The following ERC1 variants were observed in gnomAD, a reference collection of about 807,000 sequenced individuals.
ERC1 encodes ELKS/RAB6-interacting/CAST family member 1.
In ERC1, 56 loss-of-function variants were observed where a neutral mutation model predicts 132.0. That is an observed-to-expected ratio of 0.42 (90% CI 0.34 to 0.53). ERC1 has a LOEUF of 0.53. ERC1 is among the 20% of genes least tolerant of loss of function. The pLI is 0.03. For synonymous variants in ERC1, 478 were observed against 476.1 expected (o/e 1.00, Z -0.05); for missense variants, 1,202 against 1,349.9 (o/e 0.89, Z 1.72).
intron 15 of ERC1, among the ~76,000 whole-genome samples, chr12:1,328,985 T>TA (rs113967541): frequency 0.062 from 5,358 of 86,700 alleles, 418 homozygotes; most frequent in East Asian, 0.26. Flanking sequence ...TAAAAGTTAC[T>TA]AAAAAAAAAA....
At chr12:1,179,547 GCCCAGGCTGGAGTGCAGTGGCGGGA>G (rs1566160072) in intron 8 of ERC1, among the ~76,000 whole-genome samples, 1 of 126,008 alleles carries the variant, frequency 7.9e-6, no homozygotes, top group Admixed American at 1.0e-4. Flanking sequence ...TCGCTCTGTC[GCCCAGGCTGGAGTGCAGTGGCGGGA>G]TCTCGGCTCA....
chr12:1,290,631 C>A (rs565014466), intron 15 of ERC1, among the ~76,000 whole-genome samples: 2 of 152,300 alleles, frequency 1.3e-5, no homozygotes, highest in East Asian at 3.9e-4. Context: ...CAGTGACCTT[C>A]TGTTTAAAAC....
intron 15 of ERC1, among the ~76,000 whole-genome samples, chr12:1,364,144 A>G (rs2086433770): frequency 6.6e-6 from 1 of 152,228 alleles, no homozygotes; most frequent in African/African-American, 2.4e-5. Context: ...TCTTTCATTT[A>G]GAGTCCTACC....
At chr12:1,361,349 G>C (rs927831943) in intron 15 of ERC1, among the ~76,000 whole-genome samples, 2 of 151,874 alleles carry the variant, frequency 1.3e-5, no homozygotes, top group Non-Finnish European at 2.9e-5. Context: ...CAGGGCACAT[G>C]TATACATATG....
At chr12:1,168,529 G>A (rs1045720542) in intron 8 of ERC1, among the ~76,000 whole-genome samples, 15 of 137,724 alleles carry the variant, frequency 1.1e-4, no homozygotes, top group Non-Finnish European at 3.0e-5. Context: ...TTGTCGCCTA[G>A]GCTGGAGTGC....
intron 8 of ERC1, among the ~76,000 whole-genome samples, chr12:1,179,689 A>G (rs1954177218): frequency 6.6e-6 from 1 of 151,462 alleles, no homozygotes; most frequent in Admixed American, 6.6e-5. Context: ...TTGTATTTTT[A>G]GTAGAGACGG....
At chr12:1,264,791 A>G (rs955100696) in intron 14 of ERC1, among the ~76,000 whole-genome samples, 11 of 152,186 alleles carry the variant, frequency 7.2e-5, no homozygotes, top group African/African-American at 4.8e-5. Context: ...AAAATACTCA[A>G]TGAGAGGGTG....
At chr12:1,026,457 C>A (rs1966902968) in intron 1 of ERC1, among the ~76,000 whole-genome samples, 1 of 152,182 alleles carries the variant, frequency 6.6e-6, no homozygotes, top group South Asian at 2.1e-4. Context: ...AGACCCTGTT[C>A]TTGGGCTAGT....
chr12:1,051,723 A>T lies in ERC1; in HGVS notation c.669+23151A>T, dbSNP rs1417461603. 2.0e-5 allele frequency among the ~76,000 whole-genome samples: 3 copies of T among 152,124 alleles called. No homozygotes were observed. In the East Asian group the frequency reaches 5.8e-4, roughly 29 times the overall value. On this transcript the variant is annotated intron_variant, in intron 2 of 18. Coordinates refer to ENST00000360905, the MANE Select transcript of ERC1 (RefSeq NM_178040.4). ...GACAGAGCGAGACCCTGTCTCTTAT[A>T]ACAAGAATGAAAAACACCACAGTGA...
intron 18 of ERC1, among the ~76,000 whole-genome samples, chr12:1,461,671 A>AAAT (rs953155266): frequency 2.0e-5 from 3 of 152,120 alleles, no homozygotes; most frequent in Non-Finnish European, 2.9e-5. Flanking sequence ...CTGTCTCAAA[A>AAAT]AATAATAATA....
At chr12:1,006,969 TA>T (rs1254649210) in intron 1 of ERC1, among the ~76,000 whole-genome samples, 3 of 150,160 alleles carry the variant, frequency 2.0e-5, no homozygotes, top group Non-Finnish European at 4.4e-5. Flanking sequence ...ATATAGTATA[TA>T]TATGGTGTAT....
chr12:1,054,118 GA>G (rs1315192036), intron 2 of ERC1, among the ~76,000 whole-genome samples: 20 of 152,156 alleles, frequency 1.3e-4, no homozygotes, highest in African/African-American at 4.8e-4. Flanking sequence ...TATATTTGTG[GA>G]TAAGAATTCC....
chr12:990,365 A>C (rs562495613), upstream of ERC1: 24 of 151,944 alleles, frequency 1.6e-4, no homozygotes, highest in Non-Finnish European at 3.1e-4. Context: ...CAAAAAAAAA[A>C]CAAAAAACAA....
chr12:1,343,758 C>G (rs764478655), intron 15 of ERC1, among the ~76,000 whole-genome samples: 4 of 152,092 alleles, frequency 2.6e-5, no homozygotes, highest in Non-Finnish European at 5.9e-5. Flanking sequence ...GCAGGACTTT[C>G]CTTTAAAGCT....
rs538624353 is a variant in ERC1 at position 1,069,835 on chromosome 12, A to C, written c.670-13329A>C. Among the ~76,000 whole-genome samples the C allele has an allele frequency of 2.8e-4, 43 of 152,326 alleles. 1 individual carries two copies. The South Asian group carries it at 8.7e-3, about 31-fold the overall frequency. ...ACTATTTGGGTTAATTACATTTTTT[A>C]ATTAGGTTATGGGAAAACTTAAGAG... On this transcript the variant is annotated intron_variant, in intron 2 of 18. Transcript: ENST00000360905.
At chr12:1,349,468 C>G (rs1276913041) in intron 15 of ERC1, among the ~76,000 whole-genome samples, 2 of 152,078 alleles carry the variant, frequency 1.3e-5, no homozygotes, top group African/African-American at 4.8e-5. Context: ...CCAAGACCAC[C>G]AGCCTGTCCA....
intron 15 of ERC1, among the ~76,000 whole-genome samples, chr12:1,349,492 C>T (rs946976259): frequency 1.3e-5 from 2 of 151,852 alleles, no homozygotes; most frequent in African/African-American, 4.8e-5. Flanking sequence ...TGGTGAAACC[C>T]TCTCTACTAA....
chr12:1,201,526 AGTTT>A (rs1170430928), intron 12 of ERC1, among the ~76,000 whole-genome samples: 1 of 152,166 alleles, frequency 6.6e-6, no homozygotes, highest in Admixed American at 6.5e-5. Flanking sequence ...CTATATGCTG[AGTTT>A]GTTTATTTAG....
intron 14 of ERC1, among the ~76,000 whole-genome samples, chr12:1,263,841 C>T (rs2077298236): frequency 6.6e-6 from 1 of 151,992 alleles, no homozygotes; most frequent in Non-Finnish European, 1.5e-5. Context: ...AGGTGCCTGC[C>T]AGCACGCCCA....
Sources: gnomAD v4.1 joint callset for allele counts (sites outside exome capture counted in the v4.1 genomes callset) on GRCh38, gnomAD v4.1.1 for gene constraint, MANE v1.5 for transcripts, NCBI Gene and HGNC (gene_info 2026-07-23, HGNC 2026-07-21) for gene names.